Variants in PARD6G observed in about 807,000 individuals in gnomAD.
PARD6G encodes par-6 family cell polarity regulator gamma, also known as partitioning defective 6 homolog gamma.
PARD6G carries 7 observed loss-of-function variants against 10.7 expected under a neutral mutation model. The ratio of observed to expected loss-of-function variants is 0.66; its 90% CI spans 0.37 to 1.23. PARD6G has a LOEUF of 1.23. PARD6G is among the 50% of genes most tolerant of loss of function. The probability of loss-of-function intolerance (pLI) is 0.02; values close to 1 mark genes in which losing one functional copy is unlikely to be tolerated. For missense variants in PARD6G, 548 were observed against 571.8 expected, an observed-to-expected ratio of 0.96 and a Z score of 0.42; for synonymous variants, 287 against 269.4, an observed-to-expected ratio of 1.07 and a Z score of -0.64.
At chr18:80,185,889 C>T (rs1261888211) in intron 2 of PARD6G, among the ~76,000 whole-genome samples, 8 of 148,044 alleles carry the variant, frequency 5.4e-5, no homozygotes, top group Admixed American at 5.4e-4. Context: ...TATGCTTGCA[C>T]ACCCTCACAC....
intron 1 of PARD6G, among the ~76,000 whole-genome samples, chr18:80,240,779 C>T (rs1411994289): frequency 5.9e-5 from 9 of 152,136 alleles, no homozygotes; most frequent in Non-Finnish European, 1.2e-4. Context: ...CGGAAACCTC[C>T]GATTTCAAGG....
rs946166960 is a variant in PARD6G, at chr18:80,165,799, C to G, written c.296-5193G>C. ...TGCCAGAAAACATAATTTATCATTT[C>G]CACTGGGTGCGCTGGCTCACACCTG... On this transcript the variant is annotated intron_variant, in intron 2 of 2. Coordinates refer to ENST00000353265, the MANE Select transcript of PARD6G (RefSeq NM_032510.4). Among the ~76,000 whole-genome samples, 5 of 152,288 alleles carry G rather than the reference C, an allele frequency of 3.3e-5. No individual in the cohort carries two copies. In the East Asian group the frequency reaches 7.7e-4, roughly 24 times the overall value.
chr18:80,213,600 G>A (rs1967129556), intron 1 of PARD6G, among the ~76,000 whole-genome samples: 1 of 152,162 alleles, frequency 6.6e-6, no homozygotes, highest in Non-Finnish European at 1.5e-5. Context: ...GTCCAGGAAA[G>A]TCACTAAAAA....
chr18:80,163,391 C>G (rs996402310), intron 2 of PARD6G, among the ~76,000 whole-genome samples: 3 of 152,168 alleles, frequency 2.0e-5, no homozygotes, highest in Non-Finnish European at 4.4e-5. Context: ...GAGGCTTGGC[C>G]CGGGAGAGGT....
Position 80,160,358 on chromosome 18 carries a change from C to G in PARD6G, c.544G>C (p.Val182Leu). 1 of 1,611,228 alleles carries G rather than the reference C, an allele frequency of 6.2e-7. No homozygotes were observed. The highest frequency in any genetic ancestry group is 1.1e-5 in the South Asian group (1 of 90,990). ...FYIRDGASVR[V>L]TPHGLEKVPG... is the part of the protein sequence containing the mutation. ...ACCTTCTCCAGCCCGTGCGGGGTCA[C>G]GCGCACGCTGGCGCCATCGCGGATG... Residue 182 changes from valine (V) to leucine (L), a missense_variant, in exon 3 of 3, where the codon GTG becomes CTG. Transcript: ENST00000353265.
intron 2 of PARD6G, among the ~76,000 whole-genome samples, chr18:80,190,091 C>T (rs765343220): frequency 5.9e-5 from 9 of 152,162 alleles, no homozygotes; most frequent in Non-Finnish European, 1.0e-4. Flanking sequence ...TCTATTCGTA[C>T]AACTTACAAG....
At position 80,159,669 on chromosome 18, in the gene PARD6G, T is replaced by C; in HGVS notation, c.*102A>G. 1 of 1,313,448 alleles carries C rather than the reference T, an allele frequency of 7.6e-7. No individual in the cohort carries two copies. Among genetic ancestry groups the C allele is most frequent in the Non-Finnish European group, 9.7e-7 (1 of 1,028,786 alleles). 81.4% of individuals were successfully genotyped at this position (1,313,448 alleles called of 1,614,324 possible). On this transcript the variant is annotated 3_prime_UTR_variant, in exon 3 of 3. Coordinates refer to ENST00000353265, the MANE Select transcript of PARD6G (RefSeq NM_032510.4). ...TTGAAACAAAGAGCAGCGTTGTTTT[T>C]GTGGTCACAAAAACAACAAAAAATG...
intron 1 of PARD6G, among the ~76,000 whole-genome samples, chr18:80,213,916 C>T (rs1024717245): frequency 4.1e-5 from 6 of 147,298 alleles, no homozygotes; most frequent in Non-Finnish European, 7.4e-5. Context: ...CGAGATCATG[C>T]CACTGCACTC....
In PARD6G at chr18:80,247,195, GC is replaced by G; in HGVS notation, c.72+81del. On this transcript the variant is annotated intron_variant, in intron 1 of 2. Coordinates refer to ENST00000353265, the MANE Select transcript of PARD6G (RefSeq NM_032510.4). The surrounding 1 kb of genome is among the most constrained non-coding windows in gnomAD (Gnocchi z 4.2). ...CGCCGGCGCCTGTCGCCTCCACGCCGCCCCAGTCCCCCTCCGCGGGGCGCCC... is the reference window on the plus strand; with the variant it reads ...CGCCGGCGCCTGTCGCCTCCACGCCGCCCAGTCCCCCTCCGCGGGGCGCCC... 1.7e-6 allele frequency: 2 copies of G among 1,168,254 alleles called. No homozygotes were observed. 72.4% of individuals were successfully genotyped at this position (1,168,254 alleles called of 1,614,324 possible). A position where few individuals can be genotyped will look rare whatever the true frequency, so the allele number is the denominator to read the frequency against.
chr18:80,185,149 T>C (rs1283901324), intron 2 of PARD6G, among the ~76,000 whole-genome samples: 2 of 152,222 alleles, frequency 1.3e-5, no homozygotes, highest in Admixed American at 6.5e-5. Flanking sequence ...TGAAAGTCTG[T>C]ACCTTTCCCA....
chr18:80,238,935 C>T (rs1013821582), intron 1 of PARD6G, among the ~76,000 whole-genome samples: 14 of 152,128 alleles, frequency 9.2e-5, no homozygotes, highest in Non-Finnish European at 1.9e-4. Flanking sequence ...CCTCGGTGCC[C>T]AGGCTGAAAG....
intron 2 of PARD6G, among the ~76,000 whole-genome samples, chr18:80,190,050 A>T (rs567663855): frequency 9.0e-4 from 137 of 152,306 alleles, no homozygotes; most frequent in African/African-American, 3.1e-3. Context: ...CAAGGATATG[A>T]CTTTCAAGAG....
chr18:80,224,592 A>C (rs542479374), intron 1 of PARD6G, among the ~76,000 whole-genome samples: 9 of 152,332 alleles, frequency 5.9e-5, no homozygotes, highest in East Asian at 3.9e-4. Flanking sequence ...TCACGCCTGT[A>C]ATCCCAGCAC....
chr18:80,223,288 C>T (rs553248253), intron 1 of PARD6G, among the ~76,000 whole-genome samples: 1 of 152,122 alleles, frequency 6.6e-6, no homozygotes, highest in African/African-American at 2.4e-5. Context: ...AACTTAAAAA[C>T]CTTTGTGCTT....
chr18:80,179,149 A>G (rs901088631), intron 2 of PARD6G, among the ~76,000 whole-genome samples: 1 of 151,886 alleles, frequency 6.6e-6, no homozygotes, highest in African/African-American at 2.4e-5. Flanking sequence ...AAGCCGGCCC[A>G]GTGCCCACAG....
rs1037314969 is a variant in PARD6G, at chr18:80,181,860, G to A, written c.295+20850C>T. 4.6e-5 allele frequency among the ~76,000 whole-genome samples: 7 copies of A among 152,240 alleles called. No individual in the cohort carries two copies. The highest frequency in any genetic ancestry group is 3.4e-3 in the Middle Eastern group (1 of 294). On this transcript the variant is annotated intron_variant, in intron 2 of 2. Transcript: ENST00000353265. The surrounding 1 kb of genome is among the most constrained non-coding windows in gnomAD (Gnocchi z 7.9). Reference sequence around the variant, plus strand: ...AGAGATCCACTGCCCAAGGCTGCCCGGTAGACCTGTCCCTGGGAGGGAAGC... The same window carrying A: ...AGAGATCCACTGCCCAAGGCTGCCCAGTAGACCTGTCCCTGGGAGGGAAGC...
Position 80,247,386 on chromosome 18 carries a change from C to T in PARD6G, c.-38G>A, listed in dbSNP as rs1967566932. The T allele has an allele frequency of 2.0e-6, 3 of 1,501,060 alleles. No individual in the cohort carries two copies. Among genetic ancestry groups the T allele is most frequent in the South Asian group, 2.5e-5 (2 of 80,274 alleles). 93.0% of individuals were successfully genotyped at this position (1,501,060 alleles called of 1,614,324 possible). On this transcript the variant is annotated 5_prime_UTR_variant, in exon 1 of 3. Coordinates refer to ENST00000353265, the MANE Select transcript of PARD6G (RefSeq NM_032510.4). This position sits in a 1 kb window ranked among gnomAD's most constrained non-coding sequence, Gnocchi z 4.2. ...GGTCAGCCTCGCCGTCGCCCTCGCTCCTCAGGGGCCGCAGAAAGACTCCCG... is the reference window on the plus strand; with the variant it reads ...GGTCAGCCTCGCCGTCGCCCTCGCTTCTCAGGGGCCGCAGAAAGACTCCCG...
intron 2 of PARD6G, among the ~76,000 whole-genome samples, chr18:80,195,632 C>G (rs1966948684): frequency 7.6e-6 from 1 of 131,946 alleles, no homozygotes; most frequent in Non-Finnish European, 1.6e-5. Flanking sequence ...AATCTCAGCA[C>G]TTTGGGAGGC....
In PARD6G at chr18:80,160,644, G is replaced by T. The variant is rs754734454; in HGVS notation, c.296-38C>A. On this transcript the variant is annotated intron_variant, in intron 2 of 2. Transcript: ENST00000353265. The stretch of plus-strand genomic sequence containing the variant: ...GGACAGTTAGAGGGGACACACAACC[G>T]AGCCCCGCCTGAGCCCTCGGCCGTC... 3.3e-4 allele frequency: 468 copies of T among 1,429,554 alleles called. 2 individuals are homozygous for T. The highest frequency in any genetic ancestry group is 1.8e-4 in the South Asian group (12 of 67,204). 88.6% of individuals were successfully genotyped at this position (1,429,554 alleles called of 1,614,324 possible).
Sources: allele counts gnomAD v4.1 joint callset (sites outside exome capture counted in the v4.1 genomes callset), GRCh38; gene constraint gnomAD v4.1.1; non-coding constraint Gnocchi (gnomAD v3.1); transcripts MANE v1.5; gene names NCBI Gene and HGNC (gene_info 2026-07-23, HGNC 2026-07-21).